The following GPR160 variants were observed in gnomAD, a reference collection of about 807,000 sequenced individuals.
GPR160 encodes G protein-coupled receptor 160, also known as probable G protein-coupled receptor 160.
In GPR160, 2 loss-of-function variants were observed where a neutral mutation model predicts 2.6. That is an observed-to-expected ratio of 0.77 (90% CI 0.32 to 2.44). The LOEUF is 2.44. GPR160 is among the 30% of genes most tolerant of loss of function. GPR160 has a pLI of 0.11. For synonymous variants in GPR160, 130 were observed against 132.2 expected (o/e 0.98, Z 0.12); for missense variants, 351 against 383.6 (o/e 0.91, Z 0.71).
chr3:170,062,550 A>T, intron 2 of GPR160: 1 of 722,882 alleles, frequency 1.4e-6, no homozygotes, highest in South Asian at 1.5e-5. Flanking sequence ...CAGAAGATCA[A>T]AGACGCCAGG....
intron 2 of GPR160, among the ~76,000 whole-genome samples, chr3:170,056,811 A>G (rs1711667043): frequency 6.6e-6 from 1 of 152,232 alleles, no homozygotes; most frequent in Non-Finnish European, 1.5e-5. Context: ...TATTTTTGGC[A>G]GAAAAAGCCT....
At chr3:170,072,029 A>G (rs1346103033) in intron 2 of GPR160, among the ~76,000 whole-genome samples, 1 of 144,238 alleles carries the variant, frequency 6.9e-6, no homozygotes, top group African/African-American at 2.6e-5. Context: ...CTCTGGGGCC[A>G]TTGGTGAATA....
rs1273359561 is a variant in GPR160 at position 170,038,066 on chromosome 3, C to G, written c.-471C>G. Reference sequence around the variant, plus strand: ...GGGTCCCGGGGCCGTGCTCCCCTGCCCCTCCCGGGAGCGCGCGGGGCGGGG... The same window carrying G: ...GGGTCCCGGGGCCGTGCTCCCCTGCGCCTCCCGGGAGCGCGCGGGGCGGGG... On this transcript the variant is annotated 5_prime_UTR_variant, in exon 1 of 4. Coordinates refer to ENST00000355897, the MANE Select transcript of GPR160 (RefSeq NM_014373.3). The surrounding 1 kb of genome is among the most constrained non-coding windows in gnomAD (Gnocchi z 5.3). The G allele has an allele frequency of 6.5e-6, 1 of 152,814 alleles. No individual in the cohort carries two copies. Among genetic ancestry groups the G allele is most frequent in the Non-Finnish European group, 1.5e-5 (1 of 68,060 alleles). The allele number at this position is 152,814 out of a possible 1,614,324, so 9.5% of individuals were successfully genotyped here. A position where few individuals can be genotyped will look rare whatever the true frequency, so the allele number is the denominator to read the frequency against.
At chr3:170,050,573 AT>A (rs1257851170) in intron 2 of GPR160, among the ~76,000 whole-genome samples, 1 of 151,944 alleles carries the variant, frequency 6.6e-6, no homozygotes, top group African/African-American at 2.4e-5. Context: ...CGCCCACCTA[AT>A]TTTTTTGTTG....
chr3:170,052,725 A>C (rs972314625), intron 2 of GPR160, among the ~76,000 whole-genome samples: 1 of 152,152 alleles, frequency 6.6e-6, no homozygotes, highest in African/African-American at 2.4e-5. Flanking sequence ...GAAGAATCTA[A>C]TTTTAATGAG....
At chr3:170,070,065 G>T (rs1267174040) in intron 2 of GPR160, among the ~76,000 whole-genome samples, 1 of 152,068 alleles carries the variant, frequency 6.6e-6, no homozygotes, top group East Asian at 1.9e-4. Context: ...GAGGTGCTGG[G>T]AGTTAAAGGC....
In GPR160 at chr3:170,085,043, A is replaced by G; in HGVS notation, c.*54A>G. On this transcript the variant is annotated 3_prime_UTR_variant, in exon 4 of 4. Coordinates refer to ENST00000355897, the MANE Select transcript of GPR160 (RefSeq NM_014373.3). ...TAAGATCATAATTTTATGAACAGAA[A>G]GAACTCAGGACATATTAAAAAATAA... The G allele has an allele frequency of 2.0e-6, 2 of 990,358 alleles. No individual in the cohort carries two copies. Among genetic ancestry groups the G allele is most frequent in the Non-Finnish European group, 2.9e-6 (2 of 689,556 alleles). The allele number at this position is 990,358 out of a possible 1,614,324, so 61.3% of individuals were successfully genotyped here. A position where few individuals can be genotyped will look rare whatever the true frequency, so the allele number is the denominator to read the frequency against.
At chr3:170,047,325 A>ATT (rs1248536295) in intron 2 of GPR160, among the ~76,000 whole-genome samples, 1 of 151,928 alleles carries the variant, frequency 6.6e-6, no homozygotes, top group Non-Finnish European at 1.5e-5. Flanking sequence ...GCTACTTTCC[A>ATT]TTGCTGCCCT....
intron 2 of GPR160, among the ~76,000 whole-genome samples, chr3:170,070,143 T>C (rs1180808473): frequency 1.3e-5 from 2 of 152,244 alleles, no homozygotes; most frequent in Non-Finnish European, 2.9e-5. Flanking sequence ...GTCTTATATA[T>C]GTAATTCTTT....
chr3:170,082,363 C>T (rs1377965134), intron 3 of GPR160, among the ~76,000 whole-genome samples: 1 of 152,050 alleles, frequency 6.6e-6, no homozygotes, highest in African/African-American at 2.4e-5. Flanking sequence ...TCCTCCTATC[C>T]TGAGAAACAT....
rs191379515 is a variant in GPR160 at position 170,050,173 on chromosome 3, C to A, written c.-193+11130C>A. 2.5e-3 allele frequency among the ~76,000 whole-genome samples: 374 copies of A among 151,886 alleles called. 3 individuals are homozygous for A. The highest frequency in any genetic ancestry group is 8.7e-3 in the African/African-American group (361 of 41,378). Reference sequence around the variant, plus strand: ...CTCCCAGGTTTAAGTGATTCTCCTGCCTCAGCCTCTCGAGTAGCTGGGATT... The same window carrying A: ...CTCCCAGGTTTAAGTGATTCTCCTGACTCAGCCTCTCGAGTAGCTGGGATT... On this transcript the variant is annotated intron_variant, in intron 2 of 3. Coordinates refer to ENST00000355897, the MANE Select transcript of GPR160 (RefSeq NM_014373.3).
chr3:170,044,738 C>A (rs922459763), intron 2 of GPR160, among the ~76,000 whole-genome samples: 38 of 152,150 alleles, frequency 2.5e-4, no homozygotes, highest in African/African-American at 8.9e-4. Context: ...CTGAGCTGGA[C>A]CCCAGCCACT....
chr3:170,052,253 T>TA (rs1468797390), intron 2 of GPR160, among the ~76,000 whole-genome samples: 2 of 152,246 alleles, frequency 1.3e-5, no homozygotes, highest in African/African-American at 4.8e-5. Flanking sequence ...CCTAGGTAAA[T>TA]ATCTAGTAGT....
intron 2 of GPR160, among the ~76,000 whole-genome samples, chr3:170,040,292 C>T (rs180862372): frequency 6.6e-6 from 1 of 152,210 alleles, no homozygotes; most frequent in Non-Finnish European, 1.5e-5. Context: ...CAGAACACCA[C>T]CACTTGTGGA....
intron 2 of GPR160, among the ~76,000 whole-genome samples, chr3:170,053,662 T>G (rs2108318011): frequency 6.6e-6 from 1 of 152,316 alleles, no homozygotes; most frequent in East Asian, 1.9e-4. Context: ...ATCCTTACCT[T>G]GTTTCCAATT....
chr3:170,080,255 A>T (rs1713056590), intron 3 of GPR160, among the ~76,000 whole-genome samples: 1 of 152,172 alleles, frequency 6.6e-6, no homozygotes, highest in African/African-American at 2.4e-5. Context: ...TTGAACACTT[A>T]TAGTGGTTTA....
In GPR160 at chr3:170,084,122, C is replaced by G. The variant is rs1321652119; in HGVS notation, c.150C>G (p.Thr50=). The part of the protein sequence containing the change: ...ILTLGMRRKN[T]CQNFMEYFCI... ...CACTAGGAATGAGAAGAAAAAACAC[C>G]TGTCAAAATTTTATGGAATATTTTT... The change falls in exon 4 of 4, where the codon ACC becomes ACG. Residue 50 remains threonine (T), a synonymous_variant. Transcript: ENST00000355897. The G allele has an allele frequency of 6.3e-7, 1 of 1,593,632 alleles. No homozygotes were observed. The highest frequency in any genetic ancestry group is 1.8e-5 in the Admixed American group (1 of 55,826).
intron 2 of GPR160, among the ~76,000 whole-genome samples, chr3:170,043,630 G>A (rs998205276): frequency 2.0e-5 from 3 of 152,304 alleles, no homozygotes; most frequent in East Asian, 1.9e-4. Flanking sequence ...GACAGTCTGC[G>A]TTATTTCTGG....
At chr3:170,066,628 C>T (rs1337318770) in intron 2 of GPR160, among the ~76,000 whole-genome samples, 1 of 152,050 alleles carries the variant, frequency 6.6e-6, no homozygotes, top group Non-Finnish European at 1.5e-5. Flanking sequence ...TCTCTATTGG[C>T]GGACATTTAA....
Sources: gnomAD v4.1 joint callset for allele counts (sites outside exome capture counted in the v4.1 genomes callset) on GRCh38, gnomAD v4.1.1 for gene constraint, Gnocchi (gnomAD v3.1) non-coding constraint, MANE v1.5 for transcripts, NCBI Gene and HGNC (gene_info 2026-07-23, HGNC 2026-07-21) for gene names.